Variants in ICA1L observed in about 807,000 individuals in gnomAD.
ICA1L encodes islet cell autoantigen 1 like, also known as islet cell autoantigen 1-like protein.
In ICA1L, 50 loss-of-function variants were observed where a neutral mutation model predicts 61.3. The observed-to-expected ratio is 0.82, with a 90% CI of 0.65 to 1.03. ICA1L has a LOEUF of 1.03. ICA1L is among the 50% of genes least tolerant of loss of function. The pLI is 0.00. For synonymous variants in ICA1L, 161 were observed against 191.3 expected (o/e 0.84, Z 1.31); for missense variants, 508 against 556.7 (o/e 0.91, Z 0.88).
In ICA1L at chr2:202,779,663, A is replaced by C. The variant is rs200435735; in HGVS notation, c.1334-15T>G. On this transcript the variant is annotated splice_polypyrimidine_tract_variant and intron_variant, in intron 12 of 12. Coordinates refer to ENST00000358299, the MANE Select transcript of ICA1L (RefSeq NM_001288622.3). ...ATTGTTGGGGGCTATTAAAAAAGAA[A>C]AAAAATACATTAAAGAGATTCAGTT... 4.5e-5 allele frequency: 64 copies of C among 1,415,818 alleles called. No individual in the cohort carries two copies. The East Asian group carries it at 1.4e-3, about 30-fold the overall frequency. The allele number at this position is 1,415,818 out of a possible 1,614,324, so 87.7% of individuals were successfully genotyped here.
chr2:202,777,801 C>G lies in ICA1L; in HGVS notation c.*1732G>C, dbSNP rs1559122955. ...TACCATGACAAACATTACAAGCAAT[C>G]CTTTTCTAAATAAGCCTGTTTAGAA... On this transcript the variant is annotated 3_prime_UTR_variant, in exon 13 of 13. Transcript: ENST00000358299. 1.3e-5 allele frequency: 2 copies of G among 151,780 alleles called. No individual in the cohort carries two copies. Among genetic ancestry groups the G allele is most frequent in the Non-Finnish European group, 2.9e-5 (2 of 67,998 alleles). 9.4% of individuals were successfully genotyped at this position (151,780 alleles called of 1,614,324 possible).
At chr2:202,818,116 A>G (rs1369695068) in intron 5 of ICA1L, among the ~76,000 whole-genome samples, 2 of 152,208 alleles carry the variant, frequency 1.3e-5, no homozygotes, top group African/African-American at 2.4e-5. Flanking sequence ...GAACAAAACA[A>G]TGTTCTTCCC....
intron 10 of ICA1L, among the ~76,000 whole-genome samples, chr2:202,795,752 TATA>T: frequency 1.3e-5 from 2 of 151,996 alleles, no homozygotes; most frequent in South Asian, 4.2e-4. Flanking sequence ...TTTAAAAAAT[TATA>T]TAAAGGGCTG....
In ICA1L at chr2:202,869,897, C is replaced by G. The variant is rs555401797; in HGVS notation, c.-8+1722G>C. 4.0e-5 allele frequency among the ~76,000 whole-genome samples: 6 copies of G among 151,838 alleles called. No homozygotes were observed. In the East Asian group the frequency reaches 1.2e-3, roughly 29 times the overall value. ...TTTGATTTCCGAAAAAAACACAAAA[C>G]TTAAGTGATGAATGAAAAATAGACA... On this transcript the variant is annotated intron_variant, in intron 1 of 12. Coordinates refer to ENST00000358299, the MANE Select transcript of ICA1L (RefSeq NM_001288622.3).
chr2:202,819,533 A>G, intron 5 of ICA1L, 168 bp downstream of exon 5: 1 of 607,286 alleles, frequency 1.6e-6, no homozygotes, highest in Non-Finnish European at 2.9e-6. Context: ...AGGAGTAAAA[A>G]TAAAAGTGTG....
intron 10 of ICA1L, among the ~76,000 whole-genome samples, chr2:202,791,078 T>TG (rs1315090473): frequency 2.0e-5 from 3 of 152,196 alleles, no homozygotes; most frequent in African/African-American, 7.2e-5. Context: ...AGTCTCAACA[T>TG]GGAGGCTAAA....
intron 9 of ICA1L, among the ~76,000 whole-genome samples, chr2:202,806,491 CA>C (rs1413724357): frequency 6.6e-6 from 1 of 151,612 alleles, no homozygotes; most frequent in Non-Finnish European, 1.5e-5. Flanking sequence ...AAAAAAAATA[CA>C]AAAAATAGCT....
At chr2:202,799,213 C>G (rs1012720717) in intron 9 of ICA1L, among the ~76,000 whole-genome samples, 13 of 152,104 alleles carry the variant, frequency 8.5e-5, no homozygotes, top group Admixed American at 1.3e-4. Context: ...TTCATAGTGG[C>G]TATACTAGTT....
At chr2:202,838,411 G>A (rs544759569) in intron 1 of ICA1L, among the ~76,000 whole-genome samples, 23 of 152,280 alleles carry the variant, frequency 1.5e-4, no homozygotes, top group Non-Finnish European at 2.5e-4. Flanking sequence ...AATATTGGAT[G>A]GAATGTTCTG....
intron 12 of ICA1L, among the ~76,000 whole-genome samples, chr2:202,781,039 T>A (rs1439663950): frequency 6.6e-6 from 1 of 152,192 alleles, no homozygotes; most frequent in African/African-American, 2.4e-5. Context: ...TCCTGAAAAG[T>A]ATGTAAATAT....
chr2:202,805,012 T>A (rs1559133151), intron 9 of ICA1L, among the ~76,000 whole-genome samples: 2 of 152,178 alleles, frequency 1.3e-5, no homozygotes. Flanking sequence ...TGGACCTTCA[T>A]ACAATGGATT....
chr2:202,841,993 G>A (rs1217365912), intron 1 of ICA1L, among the ~76,000 whole-genome samples: 1 of 151,966 alleles, frequency 6.6e-6, no homozygotes, highest in Non-Finnish European at 1.5e-5. Context: ...TGGGATTACA[G>A]GCACCTACCA....
intron 9 of ICA1L, among the ~76,000 whole-genome samples, chr2:202,804,068 G>A (rs1428857415): frequency 3.3e-5 from 5 of 151,986 alleles, no homozygotes; most frequent in Admixed American, 2.0e-4. Context: ...AAGCCCTAAT[G>A]TAACTGTTAG....
intron 1 of ICA1L, among the ~76,000 whole-genome samples, chr2:202,845,884 A>G (rs1235721603): frequency 1.3e-5 from 2 of 152,236 alleles, no homozygotes. Flanking sequence ...TTGACTTAAT[A>G]TAACACTAGT....
intron 1 of ICA1L, among the ~76,000 whole-genome samples, chr2:202,833,607 A>C (rs1694069983): frequency 6.6e-6 from 1 of 152,162 alleles, no homozygotes; most frequent in Non-Finnish European, 1.5e-5. Context: ...AAATTAAAAA[A>C]TAAAAAGAAG....
chr2:202,867,336 T>C (rs1687545827), intron 1 of ICA1L, among the ~76,000 whole-genome samples: 1 of 152,194 alleles, frequency 6.6e-6, no homozygotes, highest in Non-Finnish European at 1.5e-5. Context: ...GAGAACATCA[T>C]AGAATGTACT....
intron 3 of ICA1L, among the ~76,000 whole-genome samples, chr2:202,824,693 AGAG>A (rs764248383): frequency 6.3e-4 from 96 of 152,326 alleles, no homozygotes; most frequent in Non-Finnish European, 1.0e-3. Flanking sequence ...ATATGGCTAA[AGAG>A]GAGAAGCTTT....
chr2:202,785,131 A>C (rs1001556243), intron 12 of ICA1L, among the ~76,000 whole-genome samples: 1 of 151,680 alleles, frequency 6.6e-6, no homozygotes, highest in African/African-American at 2.4e-5. Flanking sequence ...AGGCAGGAGA[A>C]TCGCTTGGAC....
At chr2:202,816,369 C>T (rs1321264421) in intron 6 of ICA1L, among the ~76,000 whole-genome samples, 3 of 152,102 alleles carry the variant, frequency 2.0e-5, no homozygotes, top group African/African-American at 7.2e-5. Context: ...AAAGGAGGAA[C>T]ATATGTGTAA....
Sources: allele counts gnomAD v4.1 joint callset (sites outside exome capture counted in the v4.1 genomes callset), GRCh38; gene constraint gnomAD v4.1.1; transcripts MANE v1.5; gene names NCBI Gene and HGNC (gene_info 2026-07-23, HGNC 2026-07-21).